The following GMDS variants were observed in gnomAD, a reference collection of about 807,000 sequenced individuals.
GMDS encodes GDP-mannose 4,6-dehydratase.
Under a neutral mutation model 49.9 loss-of-function variants are expected in GMDS, and 20 were observed. The ratio of observed to expected loss-of-function variants is 0.40; its 90% CI spans 0.28 to 0.58. The LOEUF is 0.58. GMDS is among the 20% of genes least tolerant of loss of function. The pLI is 0.42. For synonymous variants in GMDS, 177 were observed against 178.6 expected, an observed-to-expected ratio of 0.99 and a Z score of 0.07; for missense variants, 362 against 481.4, an observed-to-expected ratio of 0.75 and a Z score of 2.32.
intron 4 of GMDS, among the ~76,000 whole-genome samples, chr6:2,069,568 C>G (rs1321130264): frequency 6.6e-6 from 1 of 151,924 alleles, no homozygotes; most frequent in Admixed American, 6.6e-5. Context: ...AACAAATTTA[C>G]AAGAAAAAAA....
chr6:2,061,429 G>C (rs1771153699), intron 4 of GMDS, among the ~76,000 whole-genome samples: 1 of 152,094 alleles, frequency 6.6e-6, no homozygotes, highest in Non-Finnish European at 1.5e-5. Flanking sequence ...TTAAAGATCT[G>C]AGGTGGGCCA....
At chr6:2,112,269 C>T (rs943777404) in intron 4 of GMDS, among the ~76,000 whole-genome samples, 8 of 152,118 alleles carry the variant, frequency 5.3e-5, no homozygotes, top group Admixed American at 1.3e-4. Context: ...TGACTGCAGA[C>T]GTAGTTTTGG....
At chr6:1,800,250 A>T (rs1448399645) in intron 7 of GMDS, among the ~76,000 whole-genome samples, 2 of 152,228 alleles carry the variant, frequency 1.3e-5, no homozygotes, top group Non-Finnish European at 2.9e-5. Flanking sequence ...CGATTCTGAG[A>T]ACTCTGGTTG....
chr6:1,642,193 G>A (rs993057317), intron 9 of GMDS, among the ~76,000 whole-genome samples: 2 of 129,306 alleles, frequency 1.5e-5, no homozygotes, highest in African/African-American at 6.0e-5. Context: ...AAAAAATAGA[G>A]TCTCACTCTA....
chr6:2,225,539 T>A (rs1454612348), intron 1 of GMDS, among the ~76,000 whole-genome samples: 3 of 152,120 alleles, frequency 2.0e-5, no homozygotes, highest in Non-Finnish European at 4.4e-5. Context: ...TTCTGAAGAG[T>A]CCTAGGCTGT....
At chr6:1,707,373 T>C (rs7753155) in intron 9 of GMDS, among the ~76,000 whole-genome samples, 148,797 of 152,296 alleles carry the variant, frequency 0.98, 72,785 homozygotes, top group East Asian at 1. Flanking sequence ...AAATACTTCT[T>C]GGTCTCACAG....
At chr6:1,703,715 G>A (rs1278956795) in intron 9 of GMDS, among the ~76,000 whole-genome samples, 2 of 152,236 alleles carry the variant, frequency 1.3e-5, no homozygotes, top group Admixed American at 6.5e-5. Flanking sequence ...TCACACTGGT[G>A]TGAAAGCAGC....
intron 9 of GMDS, among the ~76,000 whole-genome samples, chr6:1,641,532 C>T (rs1052833131): frequency 2.0e-5 from 3 of 152,222 alleles, no homozygotes; most frequent in Non-Finnish European, 2.9e-5. Context: ...AGGGCCACTG[C>T]GATCTTTATC....
chr6:2,049,333 C>T (rs532668376), intron 4 of GMDS, among the ~76,000 whole-genome samples: 1 of 152,184 alleles, frequency 6.6e-6, no homozygotes, highest in Non-Finnish European at 1.5e-5. Flanking sequence ...ACTTATATGC[C>T]TAAATGTATT....
chr6:1,742,597 A>T lies in GMDS; in HGVS notation c.772-11T>A. The T allele has an allele frequency of 6.9e-7, 1 of 1,453,054 alleles. No homozygotes were observed. The highest frequency in any genetic ancestry group is 9.7e-7 in the Non-Finnish European group (1 of 1,035,920). 90.0% of individuals were successfully genotyped at this position (1,453,054 alleles called of 1,614,324 possible). ...CATCAACCACATAGCCTAGAGGGAA[A>T]GAGAGGCAAGTTCACTTTGAAGTCA... On this transcript the variant is annotated splice_polypyrimidine_tract_variant and intron_variant, in intron 7 of 10. Transcript: ENST00000380815.
chr6:1,942,758 A>C (rs1176897429), intron 6 of GMDS, among the ~76,000 whole-genome samples: 1 of 152,226 alleles, frequency 6.6e-6, no homozygotes, highest in East Asian at 1.9e-4. Context: ...CGTTCCTGCC[A>C]TTCCCATACT....
chr6:1,784,831 C>T (rs1471247040), intron 7 of GMDS, among the ~76,000 whole-genome samples: 2 of 152,226 alleles, frequency 1.3e-5, no homozygotes, highest in African/African-American at 4.8e-5. Context: ...TGTCATTCTC[C>T]AAGCTACAAC....
chr6:1,884,546 G>T (rs1157516549), intron 7 of GMDS, among the ~76,000 whole-genome samples: 1 of 152,176 alleles, frequency 6.6e-6, no homozygotes, highest in Non-Finnish European at 1.5e-5. Flanking sequence ...ATTTATTTTT[G>T]AGGCTAACAT....
chr6:1,839,486 C>G (rs1380298546), intron 7 of GMDS, among the ~76,000 whole-genome samples: 1 of 152,132 alleles, frequency 6.6e-6, no homozygotes, highest in East Asian at 1.9e-4. Context: ...AATTAGCAGT[C>G]ATTCTAGATA....
intron 1 of GMDS, among the ~76,000 whole-genome samples, chr6:2,138,308 CTT>C (rs982409002): frequency 1.3e-5 from 2 of 152,112 alleles, no homozygotes; most frequent in Non-Finnish European, 2.9e-5. Flanking sequence ...TGAAAAATAT[CTT>C]TAAGTTTTTG....
At chr6:2,217,497 C>G (rs1274722026) in intron 1 of GMDS, among the ~76,000 whole-genome samples, 2 of 152,104 alleles carry the variant, frequency 1.3e-5, no homozygotes. Flanking sequence ...CATATAATCT[C>G]ATTAACTTGC....
chr6:1,685,953 G>A (rs1468962833), intron 9 of GMDS, among the ~76,000 whole-genome samples: 2 of 152,176 alleles, frequency 1.3e-5, no homozygotes, highest in Non-Finnish European at 2.9e-5. Context: ...GTGCATGCCC[G>A]AATCTTAATT....
At chr6:1,877,530 C>T (rs1198606058) in intron 7 of GMDS, among the ~76,000 whole-genome samples, 3 of 150,650 alleles carry the variant, frequency 2.0e-5, no homozygotes, top group Admixed American at 1.3e-4. Context: ...CCCAACAACT[C>T]GGGAAGTTGA....
chr6:2,041,364 G>GA (rs1251903385), intron 4 of GMDS, among the ~76,000 whole-genome samples: 1 of 152,214 alleles, frequency 6.6e-6, no homozygotes, highest in Non-Finnish European at 1.5e-5. Flanking sequence ...CAGTCACCTG[G>GA]AGAGTGGTGT....
Sources: gnomAD v4.1 joint callset for allele counts (sites outside exome capture counted in the v4.1 genomes callset) on GRCh38, gnomAD v4.1.1 for gene constraint, MANE v1.5 for transcripts, NCBI Gene and HGNC (gene_info 2026-07-23, HGNC 2026-07-21) for gene names.